The following GRIN3A variants were observed in gnomAD, a reference collection of about 807,000 sequenced individuals.
GRIN3A encodes the protein glutamate ionotropic receptor NMDA type subunit 3A.
GRIN3A carries 47 observed loss-of-function variants against 92.4 expected under a neutral mutation model. That is an observed-to-expected ratio of 0.51 (90% CI 0.40 to 0.65). The LOEUF (loss-of-function observed/expected upper bound fraction) is 0.65. Ranked by LOEUF, GRIN3A falls within the 30% of genes least tolerant of loss-of-function variation. GRIN3A has a pLI of 0.00. For missense variants in GRIN3A, 1,324 were observed against 1,393.1 expected, an observed-to-expected ratio of 0.95 and a Z score of 0.79; for synonymous variants, 527 against 540.6, an observed-to-expected ratio of 0.97 and a Z score of 0.35.
At chr9:101,696,647 T>C (rs1829688517) in intron 1 of GRIN3A, among the ~76,000 whole-genome samples, 1 of 152,182 alleles carries the variant, frequency 6.6e-6, no homozygotes, top group South Asian at 2.1e-4. Flanking sequence ...GTGACAAACT[T>C]GGACATATTT....
intron 6 of GRIN3A, among the ~76,000 whole-genome samples, chr9:101,602,198 C>T (rs1041620550): frequency 2.6e-5 from 4 of 152,170 alleles, no homozygotes; most frequent in East Asian, 3.8e-4. Flanking sequence ...CTCCCACAGC[C>T]GCATGGGGAG....
At position 101,569,865 on chromosome 9, in the gene GRIN3A, A is replaced by G. The variant is rs1188840708; in HGVS notation, c.*3309T>C. 1 of 152,160 alleles carries G rather than the reference A, an allele frequency of 6.6e-6. No homozygotes were observed. Among genetic ancestry groups the G allele is most frequent in the Non-Finnish European group, 1.5e-5 (1 of 68,028 alleles). 9.4% of individuals were successfully genotyped at this position (152,160 alleles called of 1,614,324 possible). A position where few individuals can be genotyped will look rare whatever the true frequency, so the allele number is the denominator to read the frequency against. ...AGTGCTTAACTTGCTCTAAGGCTCT[A>G]ACAGACACAGCACCAACACTGAGAA... On this transcript the variant is annotated 3_prime_UTR_variant, in exon 9 of 9. Coordinates refer to ENST00000361820, the MANE Select transcript of GRIN3A (RefSeq NM_133445.3).
chr9:101,605,124 A>G (rs1224691428), intron 6 of GRIN3A, among the ~76,000 whole-genome samples: 1 of 152,194 alleles, frequency 6.6e-6, no homozygotes, highest in Non-Finnish European at 1.5e-5. Context: ...ATCCTCTTAA[A>G]CAATCCTACT....
chr9:101,655,548 T>C (rs1260450777), intron 3 of GRIN3A, among the ~76,000 whole-genome samples: 3 of 151,944 alleles, frequency 2.0e-5, no homozygotes, highest in Non-Finnish European at 4.4e-5. Context: ...GTATGCTTAA[T>C]ATGTTTTTGA....
intron 1 of GRIN3A, among the ~76,000 whole-genome samples, chr9:101,725,143 C>T (rs1830068801): frequency 6.6e-6 from 1 of 152,060 alleles, no homozygotes; most frequent in South Asian, 2.1e-4. Context: ...TTTCACCCCA[C>T]AGAAGTGTTG....
chr9:101,595,077 G>C (rs1251965645), intron 6 of GRIN3A: 3 of 749,128 alleles, frequency 4.0e-6, no homozygotes, highest in Non-Finnish European at 2.1e-6. Context: ...GGAGCGGAGG[G>C]AGGGGCGGCA....
At chr9:101,605,176 C>T (rs1355059128) in intron 6 of GRIN3A, among the ~76,000 whole-genome samples, 1 of 152,138 alleles carries the variant, frequency 6.6e-6, no homozygotes, top group Non-Finnish European at 1.5e-5. Context: ...GTACATGGTC[C>T]TTTATTTTAA....
chr9:101,709,328 G>A (rs1564149699), intron 1 of GRIN3A, among the ~76,000 whole-genome samples: 3 of 152,196 alleles, frequency 2.0e-5, no homozygotes, highest in Middle Eastern at 3.4e-3. Flanking sequence ...AGGTGCTAAG[G>A]GGGTAATCTA....
At chr9:101,575,721 G>C (rs144898243) in intron 8 of GRIN3A, among the ~76,000 whole-genome samples, 1 of 152,290 alleles carries the variant, frequency 6.6e-6, no homozygotes, top group African/African-American at 2.4e-5. Flanking sequence ...ATGGGGCACA[G>C]AGGAGGGATG....
At position 101,737,311 on chromosome 9, in the gene GRIN3A, G is replaced by A. The variant is rs1830221580; in HGVS notation, c.669C>T (p.Ile223=). ...TCTCCCGTGGAAACTCGTGGCGCACGATGCTGATCACTGGAATGTGCAGGA... is the reference window on the plus strand; with the variant it reads ...TCTCCCGTGGAAACTCGTGGCGCACAATGCTGATCACTGGAATGTGCAGGA... ...SLVLHIPVIS[I]VRHEFPRESQ... is the part of the protein sequence containing the mutation. The change falls in exon 1 of 9, where the codon ATC becomes ATT. Residue 223 remains isoleucine, a synonymous_variant. Coordinates refer to ENST00000361820, the MANE Select transcript of GRIN3A (RefSeq NM_133445.3). The A allele has an allele frequency of 6.2e-7, 1 of 1,614,134 alleles. No homozygotes were observed. The highest frequency in any genetic ancestry group is 1.1e-5 in the South Asian group (1 of 91,078).
At chr9:101,577,880 G>T in intron 7 of GRIN3A, 36 bp from the exon 8 acceptor site, 1 of 1,460,810 alleles carries the variant, frequency 6.8e-7, no homozygotes. Context: ...TAGAAATTAT[G>T]AGAAACACAT....
At chr9:101,700,546 T>C (rs961641216) in intron 1 of GRIN3A, among the ~76,000 whole-genome samples, 1 of 152,190 alleles carries the variant, frequency 6.6e-6, no homozygotes, top group Admixed American at 6.5e-5. Context: ...ATGTGTGTCC[T>C]TCATTTACTT....
At chr9:101,627,798 A>C (rs939635287) in intron 4 of GRIN3A, among the ~76,000 whole-genome samples, 3 of 152,194 alleles carry the variant, frequency 2.0e-5, no homozygotes, top group African/African-American at 2.4e-5. Flanking sequence ...TCCTTTCTAC[A>C]GGAAATCTCT....
At chr9:101,641,428 C>T (rs1203909891) in intron 3 of GRIN3A, among the ~76,000 whole-genome samples, 1 of 152,160 alleles carries the variant, frequency 6.6e-6, no homozygotes, top group Admixed American at 6.5e-5. Context: ...AAATGTGGCA[C>T]ATATACACCA....
intron 5 of GRIN3A, among the ~76,000 whole-genome samples, chr9:101,615,194 TA>T (rs534330972): frequency 2.7e-4 from 36 of 133,866 alleles, no homozygotes; most frequent in Admixed American, 1.0e-3. Flanking sequence ...GACAGAATAG[TA>T]AAAAAAAAAA....
Position 101,671,015 on chromosome 9 carries a change from C to A in GRIN3A, c.1397G>T (p.Trp466Leu), listed in dbSNP as rs1419737921. 6.2e-7 allele frequency: 1 copy of A among 1,613,750 alleles called. No homozygotes were observed. The highest frequency in any genetic ancestry group is 8.5e-7 in the Non-Finnish European group (1 of 1,179,870). Reference protein sequence around the residue: ...IVSSENNFFIWNLQHDPMGKP... With the variant: ...IVSSENNFFILNLQHDPMGKP... ...TCCCATGGGGTCATGTTGAAGATTC[C>A]AGATGAAAAAGTTGTTTTCTGAGCT... The change falls in exon 3 of 9, where the codon TGG becomes TTG. Residue 466 changes from tryptophan to leucine, a missense_variant. Physicochemically the swap from Trp to Leu is moderately conservative, Grantham distance 61. Coordinates refer to ENST00000361820, the MANE Select transcript of GRIN3A (RefSeq NM_133445.3).
chr9:101,594,260 T>G (rs530793149), intron 6 of GRIN3A: 2 of 970,628 alleles, frequency 2.1e-6, no homozygotes, highest in Admixed American at 2.9e-5. Flanking sequence ...TAGCACTGAG[T>G]TGGTGATGAA....
chr9:101,594,932 T>C, intron 6 of GRIN3A: 2 of 1,595,934 alleles, frequency 1.3e-6, no homozygotes, highest in Non-Finnish European at 1.7e-6. Flanking sequence ...TGTGGACATC[T>C]GGCAACGGCC....
chr9:101,665,005 C>T (rs1369971535), intron 3 of GRIN3A, among the ~76,000 whole-genome samples: 1 of 151,534 alleles, frequency 6.6e-6, no homozygotes, highest in Non-Finnish European at 1.5e-5. Flanking sequence ...ACATATTTTC[C>T]CATATAAATA....
Sources: allele counts gnomAD v4.1 joint callset (sites outside exome capture counted in the v4.1 genomes callset), GRCh38; gene constraint gnomAD v4.1.1; transcripts MANE v1.5; gene names NCBI Gene and HGNC (gene_info 2026-07-23, HGNC 2026-07-21).